Variants in ADAMTS18 observed in about 807,000 individuals in gnomAD.
The protein encoded by ADAMTS18 is A disintegrin and metalloproteinase with thrombospondin motifs 18.
Under a neutral mutation model 165.9 loss-of-function variants are expected in ADAMTS18, and 157 were observed. The ratio of observed to expected loss-of-function variants is 0.95; its 90% CI spans 0.83 to 1.08. ADAMTS18 has a LOEUF of 1.08. Ranked by LOEUF, ADAMTS18 falls within the 50% of genes least tolerant of loss-of-function variation. The pLI, the probability that ADAMTS18 is intolerant of heterozygous loss-of-function variation, is 0.00. For synonymous variants in ADAMTS18, 782 were observed against 578.2 expected (o/e 1.35, Z -5.06); for missense variants, 2,040 against 1,534.0 (o/e 1.33, Z -5.51).
chr16:77,337,910 T>TC (rs933786769), intron 11 of ADAMTS18, among the ~76,000 whole-genome samples: 2 of 147,766 alleles, frequency 1.4e-5, no homozygotes, highest in Admixed American at 6.7e-5. Context: ...TTTCTTTTCT[T>TC]TTTTTTTTTT....
chr16:77,335,842 C>T lies in ADAMTS18; in HGVS notation c.1773G>A (p.Gln591=), dbSNP rs777623039. ...GELGPRPIHG[Q]WSAWSKWSEC... ...CTGACCACTTCGACCAGGCGGACCA[C>T]TGGCCGTGGATGGGCCGGGGCCCGA... The change falls in exon 12 of 23, where the codon CAG becomes CAA. Residue 591 remains glutamine, a synonymous_variant. Transcript: ENST00000282849. 1 of 1,614,216 alleles carries T rather than the reference C, an allele frequency of 6.2e-7. No homozygotes were observed. The highest frequency in any genetic ancestry group is 1.1e-5 in the South Asian group (1 of 91,086).
At chr16:77,395,590 C>A (rs567018970) in intron 3 of ADAMTS18, among the ~76,000 whole-genome samples, 1 of 152,310 alleles carries the variant, frequency 6.6e-6, no homozygotes, top group South Asian at 2.1e-4. Context: ...TCTTTTGAAG[C>A]ACTTGCCCCA....
chr16:77,401,674 G>T (rs747563954), intron 3 of ADAMTS18, among the ~76,000 whole-genome samples: 1 of 152,162 alleles, frequency 6.6e-6, no homozygotes, highest in Non-Finnish European at 1.5e-5. Context: ...GTCTATGAGG[G>T]CATTTAAGGA....
chr16:77,434,806 AG>A lies in ADAMTS18; in HGVS notation c.-112del. ...AGCTCGGCGCCCCAGGTGCGGCTCC[AG>A]GTGAGAGCCGCCGCCGTTCACATCG... On this transcript the variant is annotated 5_prime_UTR_variant, in exon 1 of 23. Transcript: ENST00000282849. 1 of 910,296 alleles carries A rather than the reference AG, an allele frequency of 1.1e-6. No individual in the cohort carries two copies. 56.4% of individuals were successfully genotyped at this position (910,296 alleles called of 1,614,324 possible).
intron 3 of ADAMTS18, among the ~76,000 whole-genome samples, chr16:77,373,177 G>C (rs532844008): frequency 1.3e-5 from 2 of 152,052 alleles, no homozygotes; most frequent in Non-Finnish European, 2.9e-5. Context: ...CAGAGAAGCC[G>C]TACTCACGAC....
chr16:77,364,533 T>G, intron 4 of ADAMTS18, 152 bp from the exon 5 acceptor site: 1 of 814,740 alleles, frequency 1.2e-6, no homozygotes, highest in South Asian at 1.7e-5. Flanking sequence ...CCTGCCCAGG[T>G]GCCTTGCATC....
intron 8 of ADAMTS18, among the ~76,000 whole-genome samples, chr16:77,357,094 C>T: frequency 7.3e-6 from 1 of 137,084 alleles, no homozygotes; most frequent in East Asian, 2.9e-4. Context: ...AAGAATAAAA[C>T]TTGTGTCTTA....
Position 77,364,313 on chromosome 16 carries a change from T to G in ADAMTS18, c.847A>C (p.Arg283=). 6.2e-7 allele frequency: 1 copy of G among 1,614,022 alleles called. No homozygotes were observed. The highest frequency in any genetic ancestry group is 1.1e-5 in the South Asian group (1 of 91,072). ...TTTTGTGATTTTCCAGCTGATCTTC[T>G]GGGTCGCCCAGAGCTCCCATATTCA... ...FDEYGSSGRP[R]RSAGKSQKGL... is the part of the protein sequence containing the mutation. Residue 283 remains arginine (R), a synonymous_variant, in exon 5 of 23, where the codon AGA becomes CGA. Coordinates refer to ENST00000282849, the MANE Select transcript of ADAMTS18 (RefSeq NM_199355.4).
At chr16:77,307,000 C>T (rs1212016735) in intron 16 of ADAMTS18, among the ~76,000 whole-genome samples, 3 of 152,202 alleles carry the variant, frequency 2.0e-5, no homozygotes, top group South Asian at 2.1e-4. Flanking sequence ...AAAGACAACA[C>T]TGGGCCTCCC....
chr16:77,315,490 C>CA, intron 16 of ADAMTS18, among the ~76,000 whole-genome samples: 1 of 152,230 alleles, frequency 6.6e-6, no homozygotes. Flanking sequence ...CATCTCCACT[C>CA]ACGCCTGTGG....
Position 77,422,253 on chromosome 16 carries a change from C to G in ADAMTS18, c.495+9042G>C, listed in dbSNP as rs143914446. 1.7e-3 allele frequency among the ~76,000 whole-genome samples: 252 copies of G among 152,200 alleles called. 1 individual carries two copies. The highest frequency in any genetic ancestry group is 5.9e-3 in the African/African-American group (244 of 41,524). On this transcript the variant is annotated intron_variant, in intron 3 of 22. Coordinates refer to ENST00000282849, the MANE Select transcript of ADAMTS18 (RefSeq NM_199355.4). ...CAGGTGAGAGACCATATAAAGCTCT[C>G]AGCCCCACATACTTCTTCTCAGGTA... is the stretch of plus-strand genomic sequence containing the variant.
intron 3 of ADAMTS18, among the ~76,000 whole-genome samples, chr16:77,378,309 T>G (rs2056980843): frequency 6.8e-6 from 1 of 147,646 alleles, no homozygotes; most frequent in African/African-American, 2.5e-5. Context: ...GGTGACAGAG[T>G]GAGGCCTTGT....
intron 10 of ADAMTS18, among the ~76,000 whole-genome samples, chr16:77,349,246 C>T (rs2144703934): frequency 6.6e-6 from 1 of 152,216 alleles, no homozygotes; most frequent in South Asian, 2.1e-4. Flanking sequence ...TCACACAAAC[C>T]TGTCTCCCCC....
At chr16:77,400,097 C>G (rs150245083) in intron 3 of ADAMTS18, among the ~76,000 whole-genome samples, 3 of 152,260 alleles carry the variant, frequency 2.0e-5, no homozygotes, top group East Asian at 1.9e-4. Context: ...AATGGAATCT[C>G]TGACCCTGCA....
At chr16:77,398,340 C>CAACAACAAA (rs979334757) in intron 3 of ADAMTS18, among the ~76,000 whole-genome samples, 2 of 151,586 alleles carry the variant, frequency 1.3e-5, no homozygotes, top group Non-Finnish European at 2.9e-5. Context: ...ACAACAACAA[C>CAACAACAAA]AACAACAAAA....
At chr16:77,305,083 C>T (rs541436593) in intron 16 of ADAMTS18, among the ~76,000 whole-genome samples, 27 of 149,160 alleles carry the variant, frequency 1.8e-4, no homozygotes, top group African/African-American at 6.5e-4. Context: ...TCGTAAAGGC[C>T]TTGTAAAGGA....
chr16:77,332,027 C>T (rs1174178807), intron 12 of ADAMTS18, among the ~76,000 whole-genome samples: 1 of 152,072 alleles, frequency 6.6e-6, no homozygotes, highest in African/African-American at 2.4e-5. Flanking sequence ...CATGTCAGAC[C>T]CTCTTCTAAA....
intron 22 of ADAMTS18, among the ~76,000 whole-genome samples, chr16:77,287,862 CTG>C (rs1408693267): frequency 1.3e-5 from 2 of 152,202 alleles, no homozygotes; most frequent in African/African-American, 4.8e-5. Flanking sequence ...CACTGTAACA[CTG>C]TGAATATTCC....
chr16:77,335,319 A>G (rs1357511723), intron 12 of ADAMTS18, among the ~76,000 whole-genome samples: 1 of 151,258 alleles, frequency 6.6e-6, no homozygotes, highest in Non-Finnish European at 1.5e-5. Context: ...TAGAGAGTGC[A>G]TTGACAGAGC....
Sources: gnomAD v4.1 joint callset for allele counts (sites outside exome capture counted in the v4.1 genomes callset) on GRCh38, gnomAD v4.1.1 for gene constraint, MANE v1.5 for transcripts, NCBI Gene and HGNC (gene_info 2026-07-23, HGNC 2026-07-21) for gene names.